The following ZNF362 variants were observed in gnomAD, a reference collection of about 807,000 sequenced individuals.
ZNF362 encodes the protein zinc finger protein 362, also known as rotund homolog.
Under a neutral mutation model 42.9 loss-of-function variants are expected in ZNF362, and 11 were observed. That is an observed-to-expected ratio of 0.26 (90% CI 0.16 to 0.42). The LOEUF (loss-of-function observed/expected upper bound fraction) is 0.42, where lower values mean the gene tolerates loss of function less well. ZNF362 is among the 20% of genes least tolerant of loss of function. The pLI, the probability that ZNF362 is intolerant of heterozygous loss-of-function variation, is 1.00. For missense variants in ZNF362, 362 were observed against 576.2 expected (o/e 0.63, Z 3.81); for synonymous variants, 255 against 257.3 (o/e 0.99, Z 0.09).
intron 6 of ZNF362, among the ~76,000 whole-genome samples, chr1:33,282,743 A>G (rs1223474029): frequency 2.0e-5 from 3 of 151,184 alleles, no homozygotes; most frequent in Non-Finnish European, 4.4e-5. Context: ...ACTCGCTTGA[A>G]CCCAGGAGAT....
At chr1:33,148,572 AG>A in the ZNF362 span, among the ~76,000 whole-genome samples, 1 of 152,176 alleles carries the variant, frequency 6.6e-6, no homozygotes, top group Non-Finnish European at 1.5e-5. Context: ...TAGGTTTTCT[AG>A]TGTGATTGTG....
the ZNF362 span, among the ~76,000 whole-genome samples, chr1:33,180,396 C>T: frequency 5.9e-5 from 9 of 152,128 alleles, no homozygotes; most frequent in Non-Finnish European, 7.4e-5. Flanking sequence ...CTTAACCCCT[C>T]ATACACCTTG....
chr1:33,259,117 C>G (rs1229768332), intron 1 of ZNF362, among the ~76,000 whole-genome samples: 2 of 152,220 alleles, frequency 1.3e-5, no homozygotes, highest in East Asian at 3.8e-4. Flanking sequence ...AGAGGGGAAG[C>G]TACTGGCTGG....
At chr1:33,243,159 T>TTATGTTATGTTA in the ZNF362 span, among the ~76,000 whole-genome samples, 1 of 136,350 alleles carries the variant, frequency 7.3e-6, no homozygotes, top group African/African-American at 3.0e-5. Flanking sequence ...TTATGTTATG[T>TTATGTTATGTTA]TGTTATGTTA....
chr1:33,161,241 GC>G, the ZNF362 span, among the ~76,000 whole-genome samples: 1 of 152,218 alleles, frequency 6.6e-6, no homozygotes, highest in Non-Finnish European at 1.5e-5. This position sits in a 1 kb window ranked among gnomAD's most constrained non-coding sequence, Gnocchi z 4.3. Context: ...CGGGTTCTGA[GC>G]CGGGGCCTGA....
At chr1:33,164,242 G>T in the ZNF362 span, 1 of 152,312 alleles carries the variant, frequency 6.6e-6, no homozygotes, top group Non-Finnish European at 1.5e-5. Flanking sequence ...CCCCACAGTG[G>T]GTTGGTGGCC....
upstream of ZNF362, among the ~76,000 whole-genome samples, chr1:33,253,430 C>T (rs1031448253): frequency 4.0e-5 from 6 of 150,664 alleles, no homozygotes; most frequent in Admixed American, 2.0e-4. Flanking sequence ...AAAGGTGAGG[C>T]GAAAGGGCAA....
the ZNF362 span, among the ~76,000 whole-genome samples, chr1:33,196,838 A>G: frequency 9.9e-5 from 15 of 152,238 alleles, no homozygotes; most frequent in South Asian, 2.7e-3. Flanking sequence ...TGACATTTTG[A>G]TGGTTAATAT....
the ZNF362 span, chr1:33,200,050 A>G: frequency 6.5e-6 from 1 of 153,022 alleles, no homozygotes; most frequent in African/African-American, 2.4e-5. Context: ...AACAAAACAA[A>G]ACAAAAAAAC....
At chr1:33,295,610 C>CGG (rs77244502) in intron 8 of ZNF362, among the ~76,000 whole-genome samples, 1 of 151,792 alleles carries the variant, frequency 6.6e-6, no homozygotes, top group Non-Finnish European at 1.5e-5. Context: ...CGCAGAGCTA[C>CGG]AGAGAGAAGC....
the ZNF362 span, chr1:33,166,244 A>G: frequency 6.6e-6 from 1 of 152,280 alleles, no homozygotes; most frequent in South Asian, 2.1e-4. Flanking sequence ...TTGTGTAATT[A>G]TTCCATTATA....
At chr1:33,127,918 G>C in the ZNF362 span, among the ~76,000 whole-genome samples, 1 of 152,054 alleles carries the variant, frequency 6.6e-6, no homozygotes, top group Admixed American at 6.6e-5. Flanking sequence ...TAATGACAAG[G>C]ACTCCTACCC....
the ZNF362 span, among the ~76,000 whole-genome samples, chr1:33,232,215 T>G: frequency 6.6e-6 from 1 of 152,156 alleles, no homozygotes; most frequent in Non-Finnish European, 1.5e-5. Context: ...GGAAGTCTGA[T>G]GAAGAGGTCT....
the ZNF362 span, among the ~76,000 whole-genome samples, chr1:33,250,852 G>GGAAGAAGAAGAAGAAGAA: frequency 0.085 from 11,663 of 137,408 alleles, 621 homozygotes; most frequent in Admixed American, 0.097. Context: ...GAAGAAAGAA[G>GGAAGAAGAAGAAGAAGAA]GAAGAAGAAG....
the ZNF362 span, among the ~76,000 whole-genome samples, chr1:33,198,879 A>G: frequency 6.6e-6 from 1 of 152,240 alleles, no homozygotes; most frequent in African/African-American, 2.4e-5. Context: ...GAAAATCACA[A>G]TGTTTGAAGT....
the ZNF362 span, chr1:33,181,078 G>T: frequency 1.3e-6 from 2 of 1,599,224 alleles, no homozygotes; most frequent in Non-Finnish European, 1.7e-6. The surrounding 1 kb of genome is among the most constrained non-coding windows in gnomAD (Gnocchi z 6.5). Flanking sequence ...TGCTCGTGCA[G>T]TGCAGGCTCG....
the ZNF362 span, chr1:33,181,887 C>T: frequency 2.3e-5 from 4 of 171,378 alleles, no homozygotes; most frequent in African/African-American, 7.2e-5. This position sits in a 1 kb window ranked among gnomAD's most constrained non-coding sequence, Gnocchi z 6.5. Flanking sequence ...GAGGGGGCAG[C>T]CAGGCCGAGC....
the ZNF362 span, among the ~76,000 whole-genome samples, chr1:33,232,551 G>A: frequency 2.0e-5 from 3 of 152,128 alleles, no homozygotes; most frequent in South Asian, 2.1e-4. Flanking sequence ...GTGAGCCACC[G>A]CGCCCGGCCA....
chr1:33,134,184 G>A, the ZNF362 span, among the ~76,000 whole-genome samples: 2 of 152,218 alleles, frequency 1.3e-5, no homozygotes, highest in African/African-American at 2.4e-5. Context: ...CCTGGCACGT[G>A]GCAGTCCCTC....
Sources: gnomAD v4.1 joint callset for allele counts (sites outside exome capture counted in the v4.1 genomes callset) on GRCh38, gnomAD v4.1.1 for gene constraint, Gnocchi (gnomAD v3.1) non-coding constraint, MANE v1.5 for transcripts, NCBI Gene and HGNC (gene_info 2026-07-23, HGNC 2026-07-21) for gene names.